Variants in POM121 observed in about 807,000 individuals in gnomAD.
The protein encoded by POM121 is POM121 transmembrane nucleoporin, also known as nuclear envelope pore membrane protein POM 121.
POM121 carries 32 observed loss-of-function variants against 81.3 expected under a neutral mutation model. The observed-to-expected ratio is 0.39, with a 90% CI of 0.30 to 0.53. POM121 has a LOEUF of 0.53. POM121 is among the 20% of genes least tolerant of loss of function. The pLI, the probability that POM121 is intolerant of heterozygous loss-of-function variation, is 0.66. For missense variants in POM121, 1,138 were observed against 1,614.6 expected, an observed-to-expected ratio of 0.70 and a Z score of 5.06; for synonymous variants, 514 against 694.2, an observed-to-expected ratio of 0.74 and a Z score of 4.08.
At chr7:72,924,940 C>G (rs745666128), upstream of POM121, 32 of 1,123,554 alleles carry the variant, frequency 2.8e-5, no homozygotes, top group Non-Finnish European at 3.6e-5. Context: ...CGGAAAACCT[C>G]AAGAGTCAGA....
In POM121 at chr7:72,945,673, C is replaced by G. The variant is rs782458086; in HGVS notation, c.3617C>G (p.Ala1206Gly). Residue 1206 changes from alanine to glycine, a missense_variant, in exon 12 of 13, where the codon GCA (alanine) becomes GGA (glycine). Ala to Gly is a moderately conservative substitution (Grantham distance 60). This residue lies in a region of POM121 where 336 missense variants were observed against 344.3 expected (regional missense o/e 0.98). Transcript: ENST00000434423. ...AGCCTCTCCTTTGGGGCATCCTCAG[C>G]ACCCGCCCAAGGCTTTGTTGGTGTT... ...GSSLSFGASS[A>G]PAQGFVGVAP... The G allele has an allele frequency of 8.7e-6, 14 of 1,612,186 alleles. No individual in the cohort carries two copies. In the African/African-American group the frequency reaches 1.7e-4, roughly 20 times the overall value.
At position 72,894,576 on chromosome 7, in the gene POM121, TA is replaced by T. The variant is rs782336455; in HGVS notation, c.-216+3481del. On this transcript the variant is annotated intron_variant, in intron 3 of 15. Transcript: ENST00000395270. ...CTGGGCAACAAGAGTGAAACTTCATTAAAAAAAAAAAAAAACTCTTTCTAGA... is the reference window on the plus strand; with the variant it reads ...CTGGGCAACAAGAGTGAAACTTCATTAAAAAAAAAAAAAACTCTTTCTAGA... 7.3e-3 allele frequency among the ~76,000 whole-genome samples: 570 copies of T among 78,188 alleles called. 13 individuals carry two copies. Among genetic ancestry groups the T allele is most frequent in the African/African-American group, 0.019 (365 of 19,058 alleles). 51.3% of individuals were successfully genotyped at this position (78,188 alleles called of 152,430 possible).
At chr7:72,927,154 C>A (rs1470867258) in intron 3 of POM121, among the ~76,000 whole-genome samples, 191 bp downstream of exon 3, 2 of 152,156 alleles carry the variant, frequency 1.3e-5, no homozygotes, top group African/African-American at 4.8e-5. Flanking sequence ...CAGGTTAGAT[C>A]GATGTTGTAA....
rs141415718 is a variant in POM121, at chr7:72,929,945, G to C, written c.1109G>C (p.Gly370Ala). ...GVPASFVPKPGSLKRGLNSQS... is the reference protein window; with the variant it reads ...GVPASFVPKPASLKRGLNSQS... ...ACTGTCTTCTCTTTTATTAGGCCTG[G>C]GTCTCTGAAGAGAGGCCTCAATTCT... The change falls in exon 5 of 13, where the codon GGG (glycine) becomes GCG (alanine). Residue 370 changes from glycine to alanine, a missense_variant. Coordinates refer to ENST00000434423, the MANE Select transcript of POM121 (RefSeq NM_001387691.1). The C allele has an allele frequency of 5.4e-5, 87 of 1,597,744 alleles. No individual in the cohort carries two copies. In the East Asian group the frequency reaches 1.0e-3, roughly 19 times the overall value.
In POM121 at chr7:72,946,143, C is replaced by G; in HGVS notation, c.3659C>G (p.Ala1220Gly). ...GFVGVAPFGS[A>G]ALSFSIGAGS... ...TCTTGTTGAATCTTTCCAGGATCGG[C>G]GGCCCTTTCATTTTCCATTGGTGCG... The change falls in exon 13 of 13, where the codon GCG (alanine) becomes GGG (glycine). Residue 1220 changes from alanine (A) to glycine (G), a missense_variant. Around this residue, in one of 7 missense-constraint regions of POM121, gnomAD observed 336 missense variants for 344.3 expected, o/e 0.98. Transcript: ENST00000434423. The G allele has an allele frequency of 1.9e-6, 3 of 1,611,668 alleles. No homozygotes were observed. The highest frequency in any genetic ancestry group is 2.5e-6 in the Non-Finnish European group (3 of 1,179,706).
Position 72,892,457 on chromosome 7 carries a change from G to T in POM121, c.-216+1347G>T, listed in dbSNP as rs560098774. Among the ~76,000 whole-genome samples the T allele has an allele frequency of 2.2e-4, 34 of 152,244 alleles. No homozygotes were observed. In the South Asian group the frequency reaches 7.0e-3, roughly 32 times the overall value. On this transcript the variant is annotated intron_variant, in intron 3 of 15. Transcript: ENST00000395270. Reference sequence around the variant, plus strand: ...CCATGGTTTGTGTTCTTTGTCTTCTGTGAAATGCCTTGCAGATCGTCAGCA... The same window carrying T: ...CCATGGTTTGTGTTCTTTGTCTTCTTTGAAATGCCTTGCAGATCGTCAGCA...
Position 72,942,875 on chromosome 7 carries a change from C to G in POM121, c.2882C>G (p.Pro961Arg). The G allele has an allele frequency of 1.9e-6, 3 of 1,593,346 alleles. No homozygotes were observed. The highest frequency in any genetic ancestry group is 2.6e-6 in the Non-Finnish European group (3 of 1,171,244). Residue 961 changes from proline (P) to arginine (R), a missense_variant, in exon 11 of 13, where the codon CCA becomes CGA. By Grantham distance (103) the Pro-to-Arg change is moderately radical (BLOSUM62 -2). Coordinates refer to ENST00000434423, the MANE Select transcript of POM121 (RefSeq NM_001387691.1). The part of the protein sequence containing the change: ...PFGSSAKSPL[P>R]SYPGANPQPA... ...GGCTCAAGCGCCAAGTCCCCGCTCCCATCATATCCGGGAGCCAACCCCCAG... is the reference window on the plus strand; with the variant it reads ...GGCTCAAGCGCCAAGTCCCCGCTCCGATCATATCCGGGAGCCAACCCCCAG...
intron 3 of POM121, among the ~76,000 whole-genome samples, chr7:72,908,303 C>T (rs577452028): frequency 6.6e-6 from 1 of 152,092 alleles, no homozygotes; most frequent in African/African-American, 2.4e-5. Context: ...TCGGCAGGTT[C>T]CGTGATGCCC....
Position 72,925,433 on chromosome 7 carries a change from A to T in POM121, c.312A>T (p.Thr104=). 6.5e-7 allele frequency: 1 copy of T among 1,533,802 alleles called. No individual in the cohort carries two copies. The highest frequency in any genetic ancestry group is 8.7e-7 in the Non-Finnish European group (1 of 1,146,590). Residue 104 remains threonine, a synonymous_variant, in exon 1 of 13, where the codon ACA becomes ACT. Coordinates refer to ENST00000434423, the MANE Select transcript of POM121 (RefSeq NM_001387691.1). ...TTCGGAAGGCGCGTCATCGGCGAAC[A>T]CTGTTCGCTTCGCCTCTGGCCAAGT... The part of the protein sequence containing the change: ...SFVRKARHRR[T]LFASPLAKST...
At chr7:72,894,799 G>A (rs1347165706) in intron 3 of POM121, among the ~76,000 whole-genome samples, 1 of 151,986 alleles carries the variant, frequency 6.6e-6, no homozygotes, top group African/African-American at 2.4e-5. Flanking sequence ...TGGCACTACA[G>A]GTGCGCACAG....
At position 72,926,475 on chromosome 7, in the gene POM121, G is replaced by C; in HGVS notation, c.858G>C (p.Ala286=). The C allele has an allele frequency of 6.2e-7, 1 of 1,613,976 alleles. No homozygotes were observed. The highest frequency in any genetic ancestry group is 2.2e-5 in the East Asian group (1 of 44,882). The change falls in exon 2 of 13, where the codon GCG becomes GCC. Residue 286 remains alanine, a splice_region_variant and synonymous_variant. Transcript: ENST00000434423. Reference sequence around the variant, plus strand: ...CTGACAGAAGATTTTCGCGTTCTGCGATGTGAGTATTATCGTTGGAAGAAT... The same window carrying C: ...CTGACAGAAGATTTTCGCGTTCTGCCATGTGAGTATTATCGTTGGAAGAAT... ...APPDRRFSRS[A]IPEQIISSTL...
chr7:72,948,901 C>T, downstream of POM121: 7 of 1,612,382 alleles, frequency 4.3e-6, no homozygotes, highest in Non-Finnish European at 5.9e-6. Context: ...CCTGAAGGCG[C>T]CCGGGTTCTG....
Position 72,942,885 on chromosome 7 carries a change from G to T in POM121, c.2892G>T (p.Pro964=), listed in dbSNP as rs782716752. 1 of 1,598,664 alleles carries T rather than the reference G, an allele frequency of 6.3e-7. No homozygotes were observed. The highest frequency in any genetic ancestry group is 1.7e-5 in the Admixed American group (1 of 57,740). The change falls in exon 11 of 13, where the codon CCG becomes CCT. Residue 964 remains proline, a synonymous_variant. Transcript: ENST00000434423. ...CCAAGTCCCCGCTCCCATCATATCC[G>T]GGAGCCAACCCCCAGCCCGCATTTG... is the stretch of plus-strand genomic sequence containing the variant. ...SSAKSPLPSY[P]GANPQPAFGA... is the part of the protein sequence containing the mutation.
chr7:72,949,121 C>T (rs2305360), downstream of POM121: 155 of 1,525,678 alleles, frequency 1.0e-4, 1 homozygote, highest in East Asian at 3.0e-3. Context: ...AAGCGTGTCT[C>T]GGTTACACAG....
chr7:72,944,820 G>T (rs1797506803), intron 11 of POM121, among the ~76,000 whole-genome samples: 1 of 152,096 alleles, frequency 6.6e-6, no homozygotes, highest in Non-Finnish European at 1.5e-5. Context: ...GGGGTGGCAG[G>T]GTTGAGGGGC....
intron 4 of POM121, among the ~76,000 whole-genome samples, chr7:72,916,845 C>T (rs1794335374): frequency 6.6e-6 from 1 of 152,128 alleles, no homozygotes; most frequent in Non-Finnish European, 1.5e-5. Context: ...TTTCCTTGAG[C>T]AGTGGTTTGT....
intron 4 of POM121, among the ~76,000 whole-genome samples, chr7:72,917,277 A>G (rs575213587): frequency 9.2e-5 from 14 of 152,338 alleles, no homozygotes; most frequent in Admixed American, 6.5e-4. Context: ...AATGGAAGAA[A>G]ACACCTCTCC....
intron 9 of POM121, 37 bp from the exon 10 acceptor site, chr7:72,940,780 A>T (rs1586180379): frequency 2.2e-6 from 2 of 905,346 alleles, no homozygotes; most frequent in East Asian, 4.8e-5. Flanking sequence ...GAAGTCCCAG[A>T]CAAGCCAGGA....
At chr7:72,904,928 C>G (rs1586102005) in intron 3 of POM121, among the ~76,000 whole-genome samples, 1 of 152,162 alleles carries the variant, frequency 6.6e-6, no homozygotes, top group East Asian at 1.9e-4. Context: ...CTCGTGAGAA[C>G]TCCCTCGCTA....
Sources: gnomAD v4.1 joint callset for allele counts (sites outside exome capture counted in the v4.1 genomes callset) on GRCh38, gnomAD v4.1.1 for gene constraint, gnomAD v4.1.1 regional missense constraint, MANE v1.5 for transcripts, NCBI Gene and HGNC (gene_info 2026-07-23, HGNC 2026-07-21) for gene names.